THSD7A: variants seen among roughly 807,000 people sequenced by gnomAD.
THSD7A encodes the protein thrombospondin type 1 domain containing 7A.
A neutral mutation model predicts 231.3 loss-of-function variants in THSD7A; 96 were observed. The observed-to-expected ratio is 0.41, with a 90% CI of 0.35 to 0.49. The LOEUF (loss-of-function observed/expected upper bound fraction) is 0.49. Among genes scored for constraint, THSD7A ranks in the 20% least tolerant of loss-of-function variants. THSD7A has a pLI of 0.05. For missense variants in THSD7A, 2,290 were observed against 2,070.2 expected (o/e 1.11, Z -2.06); for synonymous variants, 940 against 743.3 (o/e 1.26, Z -4.30).
chr7:11,523,491 G>C (rs948297247), intron 6 of THSD7A, among the ~76,000 whole-genome samples: 9 of 152,014 alleles, frequency 5.9e-5, no homozygotes, highest in African/African-American at 2.2e-4. Flanking sequence ...TGTGATTAAA[G>C]TTGTTAATTT....
At chr7:11,697,716 G>A (rs1270711705) in intron 1 of THSD7A, among the ~76,000 whole-genome samples, 1 of 151,272 alleles carries the variant, frequency 6.6e-6, no homozygotes, top group African/African-American at 2.4e-5. Flanking sequence ...GATGAGAGAA[G>A]CAAGTGTTAT....
At chr7:11,787,189 G>A (rs57623191) in intron 1 of THSD7A, among the ~76,000 whole-genome samples, 29,318 of 151,842 alleles carry the variant, frequency 0.19, 3,031 homozygotes, top group South Asian at 0.28. Flanking sequence ...AATCATGTTG[G>A]AACAACTGGA....
intron 1 of THSD7A, among the ~76,000 whole-genome samples, chr7:11,801,386 C>T (rs2128181487): frequency 6.6e-6 from 1 of 152,144 alleles, no homozygotes; most frequent in South Asian, 2.1e-4. Context: ...CTTTTACATA[C>T]ATTACTTAAT....
At chr7:11,577,350 T>C (rs1007414674) in intron 4 of THSD7A, among the ~76,000 whole-genome samples, 4 of 152,160 alleles carry the variant, frequency 2.6e-5, no homozygotes, top group Admixed American at 2.0e-4. Context: ...CAGAGTCTGC[T>C]CTGTCACCCA....
At chr7:11,787,401 T>C (rs1427482019) in intron 1 of THSD7A, among the ~76,000 whole-genome samples, 1 of 152,012 alleles carries the variant, frequency 6.6e-6, no homozygotes, top group Non-Finnish European at 1.5e-5. Context: ...AAAGAAATAA[T>C]TGATAAACTG....
At chr7:11,441,189 T>G (rs1784792999) in intron 13 of THSD7A, among the ~76,000 whole-genome samples, 1 of 152,050 alleles carries the variant, frequency 6.6e-6, no homozygotes, top group Non-Finnish European at 1.5e-5. Flanking sequence ...GTCTAAGATA[T>G]CCTCATCAAT....
At chr7:11,801,950 A>T (rs1354343796) in intron 1 of THSD7A, among the ~76,000 whole-genome samples, 1 of 152,220 alleles carries the variant, frequency 6.6e-6, no homozygotes, top group Non-Finnish European at 1.5e-5. Context: ...ATTATTTTTT[A>T]CAATGTGAAT....
intron 9 of THSD7A, among the ~76,000 whole-genome samples, chr7:11,466,921 G>A (rs1436817434): frequency 1.3e-5 from 2 of 151,912 alleles, no homozygotes; most frequent in South Asian, 2.1e-4. Flanking sequence ...TCACATGCCT[G>A]CCACTCACCA....
At chr7:11,487,813 C>G (rs568505599) in intron 6 of THSD7A, among the ~76,000 whole-genome samples, 1 of 152,134 alleles carries the variant, frequency 6.6e-6, no homozygotes, top group Non-Finnish European at 1.5e-5. Flanking sequence ...ATTATCTCCA[C>G]CTGGCCCCAC....
chr7:11,474,491 A>C lies in THSD7A; in HGVS notation c.2095T>G (p.Trp699Gly). 6.2e-7 allele frequency: 1 copy of C among 1,613,606 alleles called. No homozygotes were observed. Among genetic ancestry groups the C allele is most frequent in the Non-Finnish European group, 8.5e-7 (1 of 1,179,614 alleles). Residue 699 changes from tryptophan to glycine, a missense_variant, in exon 8 of 28, where the codon TGG becomes GGG. Coordinates refer to ENST00000423059, the MANE Select transcript of THSD7A (RefSeq NM_015204.3). The surrounding 1 kb of genome is among the most constrained non-coding windows in gnomAD (Gnocchi z 4.1). ...CNEHPCTVYH[W>G]QTGPWGQCIE... ...CACTGGCCCCAGGGACCAGTTTGCC[A>C]GTGGTACACTGTGCAAGGATGCTCA...
At chr7:11,618,338 G>C (rs1781178907) in intron 2 of THSD7A, among the ~76,000 whole-genome samples, 2 of 152,100 alleles carry the variant, frequency 1.3e-5, no homozygotes, top group African/African-American at 4.8e-5. Context: ...GTATATACAC[G>C]TAAGATGTAT....
chr7:11,606,014 T>C (rs1368475428), intron 2 of THSD7A, among the ~76,000 whole-genome samples: 1 of 152,162 alleles, frequency 6.6e-6, no homozygotes, highest in Non-Finnish European at 1.5e-5. Flanking sequence ...TTTAGTTTCC[T>C]GCCTTTGTAG....
intron 1 of THSD7A, among the ~76,000 whole-genome samples, chr7:11,703,226 GA>G (rs1157290252): frequency 1.3e-5 from 2 of 151,216 alleles, no homozygotes; most frequent in African/African-American, 4.8e-5. Flanking sequence ...GAAGAGGCTA[GA>G]AAATATTTTT....
chr7:11,393,381 T>C (rs543666560), intron 23 of THSD7A, among the ~76,000 whole-genome samples: 1 of 152,232 alleles, frequency 6.6e-6, no homozygotes, highest in East Asian at 1.9e-4. Context: ...ACATCAAAGG[T>C]AGATAAATCC....
At chr7:11,393,249 G>T (rs937108517) in intron 23 of THSD7A, among the ~76,000 whole-genome samples, 2 of 152,192 alleles carry the variant, frequency 1.3e-5, no homozygotes, top group South Asian at 2.1e-4. Flanking sequence ...GGCAAACAGG[G>T]TCTGGAGTGG....
chr7:11,732,912 T>G (rs10276580), intron 1 of THSD7A, among the ~76,000 whole-genome samples: 113,252 of 151,496 alleles, frequency 0.75, 42,524 homozygotes, highest in African/African-American at 0.82. Context: ...GATGACCCTG[T>G]ACCACTTATT....
chr7:11,429,711 A>G (rs563916518), intron 13 of THSD7A, among the ~76,000 whole-genome samples: 1 of 152,310 alleles, frequency 6.6e-6, no homozygotes, highest in African/African-American at 2.4e-5. Context: ...TCTTATATCC[A>G]TTTGATTCTC....
At position 11,469,970 on chromosome 7, in the gene THSD7A, T is replaced by C. The variant is rs757902020; in HGVS notation, c.2277A>G (p.Glu759=). ...PKKCPESLRP[E]TVRPCLLPCK... ...AAGGAAGCAGACAAGGCCTTACAGTTTCAGGTCGAAGGCTTTCAGGACATC... is the reference window on the plus strand; with the variant it reads ...AAGGAAGCAGACAAGGCCTTACAGTCTCAGGTCGAAGGCTTTCAGGACATC... The change falls in exon 9 of 28, where the codon GAA becomes GAG. Residue 759 remains glutamate, a synonymous_variant. Coordinates refer to ENST00000423059, the MANE Select transcript of THSD7A (RefSeq NM_015204.3). The C allele has an allele frequency of 5.1e-5, 82 of 1,594,894 alleles. No homozygotes were observed. The highest frequency in any genetic ancestry group is 6.0e-5 in the Non-Finnish European group (70 of 1,169,542).
rs1417012432 is a variant in THSD7A at position 11,680,857 on chromosome 7, A to G, written c.191-43896T>C. On this transcript the variant is annotated intron_variant, in intron 1 of 27. Coordinates refer to ENST00000423059, the MANE Select transcript of THSD7A (RefSeq NM_015204.3). ...CCAGCAATCCCATCACCGAGTGTAT[A>G]CCTAAAGAATTATATATTATTCTAC... 2.0e-5 allele frequency among the ~76,000 whole-genome samples: 3 copies of G among 152,136 alleles called. No individual in the cohort carries two copies. In the East Asian group the frequency reaches 5.8e-4, roughly 29 times the overall value.
Sources: gnomAD v4.1 joint callset for allele counts (sites outside exome capture counted in the v4.1 genomes callset) on GRCh38, gnomAD v4.1.1 for gene constraint, Gnocchi (gnomAD v3.1) non-coding constraint, MANE v1.5 for transcripts, NCBI Gene and HGNC (gene_info 2026-07-23, HGNC 2026-07-21) for gene names.